The following PCLAF variants were observed in gnomAD, a reference collection of about 807,000 sequenced individuals.
The protein encoded by PCLAF is PCNA clamp associated factor.
A neutral mutation model predicts 15.1 loss-of-function variants in PCLAF; 12 were observed. That is an observed-to-expected ratio of 0.79 (90% CI 0.51 to 1.29). PCLAF has a LOEUF of 1.29. PCLAF is among the 50% of genes most tolerant of loss of function. The pLI, the probability that PCLAF is intolerant of heterozygous loss-of-function variation, is 0.00. For synonymous variants in PCLAF, 33 were observed against 47.1 expected (o/e 0.70, Z 1.22); for missense variants, 116 against 130.9 (o/e 0.89, Z 0.56).
exon 1 of PCLAF, chr15:64,387,573 G>C (rs1021390289): frequency 2.0e-4 from 272 of 1,357,052 alleles, no homozygotes; most frequent in Middle Eastern, 4.0e-4. Flanking sequence ...ATAGGCACTT[G>C]CACTGTCTTC....
At position 64,364,689 on chromosome 15, in the gene PCLAF, T is replaced by A. The variant is rs1265616513; in HGVS notation, c.*1341A>T. The A allele has an allele frequency of 1.3e-5, 2 of 150,396 alleles. No individual in the cohort carries two copies. The highest frequency in any genetic ancestry group is 4.9e-5 in the African/African-American group (2 of 41,116). The allele number at this position is 150,396 out of a possible 1,614,324, so 9.3% of individuals were successfully genotyped here. ...ATAAATATATATTTTTTTCTTTTCTTTCTTTTTTTTTTTTTAAGACATTGT... is the reference window on the plus strand; with the variant it reads ...ATAAATATATATTTTTTTCTTTTCTATCTTTTTTTTTTTTTAAGACATTGT... On this transcript the variant is annotated 3_prime_UTR_variant, in exon 4 of 4. Coordinates refer to ENST00000300035, the MANE Select transcript of PCLAF (RefSeq NM_014736.6).
intron 3 of PCLAF, among the ~76,000 whole-genome samples, chr15:64,369,365 A>T (rs914595623): frequency 7.0e-4 from 1 of 1,428 alleles, no homozygotes; most frequent in African/African-American, 1.3e-3. Context: ...TGTCTCTTTA[A>T]AAAAAAAAAA....
intron 3 of PCLAF, 76 bp downstream of exon 3, chr15:64,376,667 C>T: frequency 8.2e-7 from 1 of 1,222,942 alleles, no homozygotes; most frequent in Non-Finnish European, 1.1e-6. Flanking sequence ...GATCCTCCCG[C>T]CTCGGCCTCC....
In PCLAF at chr15:64,381,308, C is replaced by T. The variant is rs1359554859; in HGVS notation, c.46+18G>A. On this transcript the variant is annotated intron_variant, in intron 1 of 3. Coordinates refer to ENST00000300035, the MANE Select transcript of PCLAF (RefSeq NM_014736.6). ...GGAGGACCCCCCCGCCCTCCAGTAC[C>T]ACACTCGATCGCCTCACCTTTTCTG... is the stretch of plus-strand genomic sequence containing the variant. The T allele has an allele frequency of 1.9e-6, 3 of 1,613,994 alleles. No individual in the cohort carries two copies. In the Admixed American group the frequency reaches 5.0e-5, roughly 27 times the overall value.
chr15:64,381,735 C>T (rs988767267), upstream of PCLAF, among the ~76,000 whole-genome samples: 3 of 152,222 alleles, frequency 2.0e-5, no homozygotes, highest in African/African-American at 4.8e-5. Context: ...GAAAACCTAG[C>T]AAAGACAGCG....
chr15:64,387,672 C>G, exon 1 of PCLAF: 1 of 1,411,100 alleles, frequency 7.1e-7, no homozygotes, highest in Non-Finnish European at 9.3e-7. Flanking sequence ...CCGGAGGGCA[C>G]AAGGAAGTAG....
chr15:64,370,604 G>A (rs1227256139), intron 3 of PCLAF, among the ~76,000 whole-genome samples: 1 of 151,446 alleles, frequency 6.6e-6, no homozygotes, highest in Non-Finnish European at 1.5e-5. Flanking sequence ...CCTGACCTTG[G>A]GTGATCCACC....
At position 64,369,408 on chromosome 15, in the gene PCLAF, A is replaced by AT. The variant is rs1300618305; in HGVS notation, c.291-3334_291-3333insA. Among the ~76,000 whole-genome samples, 3 of 150,662 alleles carry AT rather than the reference A, an allele frequency of 2.0e-5. No individual in the cohort carries two copies. The East Asian group carries it at 5.9e-4, about 30-fold the overall frequency. ...AAAAAATCCTGTCTCTAAAAAAAAAAGGGTATCCCTTTGGTTGATTTTTAT... is the reference window on the plus strand; with the variant it reads ...AAAAAATCCTGTCTCTAAAAAAAAAATGGGTATCCCTTTGGTTGATTTTTAT... On this transcript the variant is annotated intron_variant, in intron 3 of 3. Transcript: ENST00000300035.
intron 3 of PCLAF, among the ~76,000 whole-genome samples, chr15:64,367,444 C>T (rs957099793): frequency 1.3e-5 from 2 of 149,030 alleles, no homozygotes; most frequent in African/African-American, 2.5e-5. Context: ...CAGAGGTTGC[C>T]GTGAGCCAAA....
chr15:64,386,943 C>T (rs777087090), intron 1 of PCLAF, among the ~76,000 whole-genome samples: 2 of 151,792 alleles, frequency 1.3e-5, no homozygotes, highest in Non-Finnish European at 2.9e-5. Flanking sequence ...TTTTCCCCAG[C>T]CCATTGTCTT....
upstream of PCLAF, chr15:64,381,656 G>A (rs947942319): frequency 6.0e-6 from 4 of 667,136 alleles, no homozygotes; most frequent in African/African-American, 3.6e-5. Context: ...GCGGTACCAG[G>A]ACTCTCCAGG....
chr15:64,383,722 T>C (rs1899880246), upstream of PCLAF, among the ~76,000 whole-genome samples: 1 of 152,196 alleles, frequency 6.6e-6, no homozygotes, highest in Non-Finnish European at 1.5e-5. Flanking sequence ...GGCTTCTACA[T>C]AGGTCTGAAT....
rs969324700 is a variant in PCLAF at position 64,387,678 on chromosome 15, A to C, written n.10T>G. The C allele has an allele frequency of 2.8e-5, 40 of 1,406,154 alleles. No homozygotes were observed. The African/African-American group carries it at 5.5e-4, about 19-fold the overall frequency. The allele number at this position is 1,406,154 out of a possible 1,614,324, so 87.1% of individuals were successfully genotyped here. A position where few individuals can be genotyped will look rare whatever the true frequency, so the allele number is the denominator to read the frequency against. On this transcript the variant is annotated non_coding_transcript_exon_variant, in exon 1 of 2. Transcript: ENST00000558250. Reference sequence around the variant, plus strand: ...AGCTCGACTCCGGAGGGCACAAGGAAGTAGACAACAAAGCAGGAAGAAGCA... The same window carrying C: ...AGCTCGACTCCGGAGGGCACAAGGACGTAGACAACAAAGCAGGAAGAAGCA...
chr15:64,379,155 G>A (rs1899731437), intron 2 of PCLAF, among the ~76,000 whole-genome samples: 1 of 151,922 alleles, frequency 6.6e-6, no homozygotes, highest in Non-Finnish European at 1.5e-5. Flanking sequence ...ATTCAACAGT[G>A]GACCAGACGA....
At chr15:64,384,344 G>A (rs1899892086), upstream of PCLAF, among the ~76,000 whole-genome samples, 1 of 151,954 alleles carries the variant, frequency 6.6e-6, no homozygotes, top group Non-Finnish European at 1.5e-5. Context: ...ATGCTGGCCA[G>A]GCTGGTCTTG....
At chr15:64,372,398 A>C (rs1018297394) in intron 3 of PCLAF, among the ~76,000 whole-genome samples, 1 of 152,018 alleles carries the variant, frequency 6.6e-6, no homozygotes, top group African/African-American at 2.4e-5. Flanking sequence ...GTGGATCACA[A>C]GGTCAGGAGA....
At chr15:64,387,519 G>C (rs1354905217) in exon 1 of PCLAF, 3 of 1,304,550 alleles carry the variant, frequency 2.3e-6, no homozygotes, top group Non-Finnish European at 3.0e-6. Flanking sequence ...TGGCCTCTCA[G>C]CTTTCCGGGT....
At chr15:64,384,432 C>A (rs116142073), upstream of PCLAF, among the ~76,000 whole-genome samples, 2,532 of 151,824 alleles carry the variant, frequency 0.017, 61 homozygotes, top group African/African-American at 0.058. Flanking sequence ...CTGCAACTGG[C>A]CTGCCTACAT....
At chr15:64,385,396 C>A, upstream of PCLAF, among the ~76,000 whole-genome samples, 1 of 152,112 alleles carries the variant, frequency 6.6e-6, no homozygotes, top group African/African-American at 2.4e-5. Context: ...GAGGCCGAGG[C>A]GGGAGGATCA....
Sources: allele counts gnomAD v4.1 joint callset (sites outside exome capture counted in the v4.1 genomes callset), GRCh38; gene constraint gnomAD v4.1.1; transcripts MANE v1.5; gene names NCBI Gene and HGNC (gene_info 2026-07-23, HGNC 2026-07-21).